DMXL1: variants seen among roughly 807,000 people sequenced by gnomAD.
DMXL1 encodes the protein dmX-like protein 1.
DMXL1 carries 99 observed loss-of-function variants against 319.2 expected under a neutral mutation model. That is an observed-to-expected ratio of 0.31 (90% CI 0.26 to 0.37). DMXL1 has a LOEUF of 0.37. DMXL1 is among the 10% of genes least tolerant of loss of function. The pLI is 1.00. For synonymous variants in DMXL1, 1,385 were observed against 1,235.2 expected, an observed-to-expected ratio of 1.12 and a Z score of -2.54; for missense variants, 3,745 against 3,595.6, an observed-to-expected ratio of 1.04 and a Z score of -1.06.
chr5:119,192,033 T>C (rs563137802), intron 29 of DMXL1, among the ~76,000 whole-genome samples: 4 of 152,346 alleles, frequency 2.6e-5, no homozygotes, highest in Non-Finnish European at 5.9e-5. Flanking sequence ...GAAGTTCCAC[T>C]CTCCCTGCTG....
At chr5:119,154,395 A>G (rs775367689) in intron 19 of DMXL1, among the ~76,000 whole-genome samples, 1 of 152,244 alleles carries the variant, frequency 6.6e-6, no homozygotes, top group African/African-American at 2.4e-5. Context: ...CACATAAATG[A>G]TAAGAAAGCA....
intron 32 of DMXL1, among the ~76,000 whole-genome samples, 190 bp downstream of exon 32, chr5:119,198,146 G>A (rs753664279): frequency 1.2e-4 from 18 of 152,060 alleles, no homozygotes; most frequent in African/African-American, 3.9e-4. Flanking sequence ...CTGCCACCAC[G>A]CCTGGTTAAT....
At chr5:119,105,840 T>A (rs1466676119) in intron 4 of DMXL1, among the ~76,000 whole-genome samples, 3 of 148,856 alleles carry the variant, frequency 2.0e-5, no homozygotes, top group African/African-American at 7.5e-5. Context: ...GAGGTTGCAG[T>A]GAGCTGAGCT....
intron 1 of DMXL1, among the ~76,000 whole-genome samples, chr5:119,073,774 C>T (rs755570257): frequency 6.6e-6 from 1 of 152,144 alleles, no homozygotes; most frequent in Non-Finnish European, 1.5e-5. Flanking sequence ...CCTTTGCAGC[C>T]TGTTCATCCT....
chr5:119,107,211 GGCACCTGAGGTC>G (rs1758550993), intron 4 of DMXL1, among the ~76,000 whole-genome samples: 1 of 151,864 alleles, frequency 6.6e-6, no homozygotes, highest in Non-Finnish European at 1.5e-5. Context: ...CTTGGTGGCT[GGCACCTGAGGTC>G]TCAGCTATTC....
intron 13 of DMXL1, 57 bp downstream of exon 13, chr5:119,134,446 T>C (rs569148511): frequency 1.7e-4 from 238 of 1,408,080 alleles, no homozygotes; most frequent in Non-Finnish European, 2.2e-4. Flanking sequence ...TCAGATAGTT[T>C]ATATTTATTG....
At chr5:119,089,328 CAG>C (rs1371433505) in intron 1 of DMXL1, among the ~76,000 whole-genome samples, 1 of 62,946 alleles carries the variant, frequency 1.6e-5, no homozygotes, top group East Asian at 1.0e-3. Context: ...TTTTTTGAGA[CAG>C]AGTCTCATTC....
Position 119,247,213 on chromosome 5 carries a change from G to A in DMXL1, c.9141G>A (p.Met3047Ile), listed in dbSNP as rs767018085. The A allele has an allele frequency of 1.7e-5, 28 of 1,607,386 alleles. No homozygotes were observed. In the South Asian group the frequency reaches 3.0e-4, roughly 17 times the overall value. Residue 3047 changes from methionine (M) to isoleucine (I), a missense_variant, in exon 44 of 44, where the codon ATG becomes ATA. This residue lies in a region of DMXL1 where 262 missense variants were observed against 320.5 expected (regional missense o/e 0.82). Transcript: ENST00000539542. ...NEVLKNDVKF[M>I]L ...TGTTGAAAAATGATGTGAAATTTATGCTATAACATTTTTACAATAAGATGT... is the reference window on the plus strand; with the variant it reads ...TGTTGAAAAATGATGTGAAATTTATACTATAACATTTTTACAATAAGATGT...
chr5:119,122,887 C>T (rs1247353138), intron 9 of DMXL1, among the ~76,000 whole-genome samples: 1 of 151,036 alleles, frequency 6.6e-6, no homozygotes, highest in African/African-American at 2.4e-5. Context: ...ACGCTCCTTA[C>T]TTCCCAGATG....
chr5:119,195,479 A>C (rs1165894246), intron 30 of DMXL1, among the ~76,000 whole-genome samples: 1 of 152,254 alleles, frequency 6.6e-6, no homozygotes, highest in African/African-American at 2.4e-5. Context: ...AATCAGTCAC[A>C]GAAAGGGTTA....
chr5:119,106,226 A>G (rs1204866403), intron 4 of DMXL1, among the ~76,000 whole-genome samples: 1 of 152,182 alleles, frequency 6.6e-6, no homozygotes, highest in Non-Finnish European at 1.5e-5. Flanking sequence ...TGGATTTTAC[A>G]TGGTGGCTGC....
chr5:119,237,504 T>C, intron 40 of DMXL1, 90 bp downstream of exon 40: 1 of 773,152 alleles, frequency 1.3e-6, no homozygotes, highest in Non-Finnish European at 2.2e-6. Context: ...AATATAGAAC[T>C]AATAAATAAA....
rs749338607 is a variant in DMXL1 at position 119,133,962 on chromosome 5, G to A, written c.2038G>A (p.Glu680Lys). The change falls in exon 12 of 44, where the codon GAA becomes AAA. Residue 680 changes from glutamate (E) to lysine (K), a missense_variant. This residue lies in a region of DMXL1 where 2,096 missense variants were observed against 1,985.4 expected (regional missense o/e 1.06). Transcript: ENST00000539542. ...ACCTTTTGATGCTCTAAATATTGAA[G>A]AATGCTCTTTGACACAACAAAATAA... ...EQPFDALNIE[E>K]CSLTQQNKST... The A allele has an allele frequency of 7.4e-6, 12 of 1,614,046 alleles. No individual in the cohort carries two copies. The African/African-American group carries it at 1.6e-4, about 22-fold the overall frequency.
chr5:119,177,295 C>A lies in DMXL1; in HGVS notation c.6759-62C>A, dbSNP rs1417506415. The A allele has an allele frequency of 3.3e-6, 4 of 1,196,358 alleles. No individual in the cohort carries two copies. In the East Asian group the frequency reaches 8.2e-5, roughly 24 times the overall value. The allele number at this position is 1,196,358 out of a possible 1,614,324, so 74.1% of individuals were successfully genotyped here. A position where few individuals can be genotyped will look rare whatever the true frequency, so the allele number is the denominator to read the frequency against. On this transcript the variant is annotated intron_variant, in intron 26 of 43. Coordinates refer to ENST00000539542, the MANE Select transcript of DMXL1 (RefSeq NM_001290321.3). Reference sequence around the variant, plus strand: ...AAAATTGATACTCTTGAAAGTAGATCTGAAACATGAAAATATTATATAAAA... The same window carrying A: ...AAAATTGATACTCTTGAAAGTAGATATGAAACATGAAAATATTATATAAAA...
At chr5:119,221,947 C>T (rs893898196) in intron 37 of DMXL1, among the ~76,000 whole-genome samples, 5 of 151,812 alleles carry the variant, frequency 3.3e-5, no homozygotes, top group South Asian at 4.2e-4. Flanking sequence ...TTTATTATTA[C>T]GTAGGTTATA....
At chr5:119,109,623 T>C (rs949927119) in intron 4 of DMXL1, among the ~76,000 whole-genome samples, 4 of 152,370 alleles carry the variant, frequency 2.6e-5, no homozygotes, top group African/African-American at 4.8e-5. Context: ...CATAAATTTA[T>C]ATGTCTTCAT....
intron 7 of DMXL1, among the ~76,000 whole-genome samples, chr5:119,117,610 A>G (rs180711827): frequency 6.6e-6 from 1 of 152,182 alleles, no homozygotes; most frequent in East Asian, 1.9e-4. Flanking sequence ...GGAGAGAGGT[A>G]GAAAGGGAAG....
chr5:119,081,311 G>A (rs947951282), intron 1 of DMXL1, among the ~76,000 whole-genome samples: 1 of 152,132 alleles, frequency 6.6e-6, no homozygotes, highest in Non-Finnish European at 1.5e-5. Context: ...GGGTAAGAAA[G>A]TGTCATTTCA....
At position 119,166,670 on chromosome 5, in the gene DMXL1, G is replaced by T. The variant is rs148468898; in HGVS notation, c.5025G>T (p.Glu1675Asp). 3,597 of 1,612,598 alleles carry T rather than the reference G, an allele frequency of 2.2e-3. 10 individuals carry two copies. The highest frequency in any genetic ancestry group is 2.8e-3 in the Non-Finnish European group (3,342 of 1,179,410). Residue 1675 changes from glutamate to aspartate, a missense_variant, in exon 22 of 44, where the codon GAG becomes GAT. Physicochemically the swap from Glu to Asp is conservative, Grantham distance 45. Around this residue, in one of 4 missense-constraint regions of DMXL1, gnomAD observed 2,096 missense variants for 1,985.4 expected, o/e 1.06. Transcript: ENST00000539542. ...TQFFGHNFED[E>D]RWRKAALKNA... The stretch of plus-strand genomic sequence containing the variant: ...TTTTTGGACACAATTTTGAGGATGA[G>T]AGGTGGCGTAAAGCAGCTTTAAAGA...
Sources: allele counts gnomAD v4.1 joint callset (sites outside exome capture counted in the v4.1 genomes callset), GRCh38; gene constraint gnomAD v4.1.1; regional missense constraint gnomAD v4.1.1; transcripts MANE v1.5; gene names NCBI Gene and HGNC (gene_info 2026-07-23, HGNC 2026-07-21).